Variants in ANGPT1 observed in about 807,000 individuals in gnomAD.
ANGPT1 encodes the protein angiopoietin 1, also known as angiopoietin-1.
A neutral mutation model predicts 62.2 loss-of-function variants in ANGPT1; 17 were observed. The observed-to-expected ratio is 0.27, with a 90% CI of 0.19 to 0.41. ANGPT1 has a LOEUF of 0.41. Among genes scored for constraint, ANGPT1 ranks in the 10% least tolerant of loss-of-function variants. The pLI is 1.00. For missense variants in ANGPT1, 478 were observed against 594.9 expected (o/e 0.80, Z 2.04); for synonymous variants, 199 against 198.9 (o/e 1.00, Z 0.00).
In ANGPT1 at chr8:107,267,569, T is replaced by TA. The variant is rs1185670855; in HGVS notation, c.1206-3219dup. Reference sequence around the variant, plus strand: ...CTTCTCTGGATTATCAAAGAAGACTTACAACTAGTCTCCCTGCCTTGAGTT... The same window carrying TA: ...CTTCTCTGGATTATCAAAGAAGACTTAACAACTAGTCTCCCTGCCTTGAGTT... On this transcript the variant is annotated intron_variant, in intron 7 of 8. Coordinates refer to ENST00000517746, the MANE Select transcript of ANGPT1 (RefSeq NM_001146.5). Among the ~76,000 whole-genome samples, 5 of 152,214 alleles carry TA rather than the reference T, an allele frequency of 3.3e-5. No individual in the cohort carries two copies. In the East Asian group the frequency reaches 9.7e-4, roughly 29 times the overall value.
intron 1 of ANGPT1, among the ~76,000 whole-genome samples, chr8:107,434,693 G>A (rs1448313268): frequency 6.6e-6 from 1 of 152,146 alleles, no homozygotes; most frequent in Non-Finnish European, 1.5e-5. Flanking sequence ...GCAATGATTT[G>A]TAATTAGTGG....
intron 2 of ANGPT1, among the ~76,000 whole-genome samples, chr8:107,340,346 C>T (rs1412846441): frequency 6.6e-6 from 1 of 151,886 alleles, no homozygotes; most frequent in African/African-American, 2.4e-5. Flanking sequence ...GACATAAAAC[C>T]TGAAATTGAG....
At chr8:107,274,238 A>C (rs1241554691) in intron 7 of ANGPT1, among the ~76,000 whole-genome samples, 1 of 152,174 alleles carries the variant, frequency 6.6e-6, no homozygotes, top group Non-Finnish European at 1.5e-5. Context: ...CTAGTTACCT[A>C]TATGCACATT....
At chr8:107,462,945 T>C (rs1443578001) in intron 1 of ANGPT1, among the ~76,000 whole-genome samples, 3 of 152,092 alleles carry the variant, frequency 2.0e-5, no homozygotes, top group Admixed American at 1.3e-4. Context: ...TCTGTCCCTA[T>C]AGTGAGGCAG....
intron 1 of ANGPT1, among the ~76,000 whole-genome samples, chr8:107,379,717 G>A (rs144275330): frequency 0.012 from 1,887 of 152,112 alleles, 42 homozygotes; most frequent in African/African-American, 0.042. Flanking sequence ...CAAATTATTT[G>A]TGTACATATT....
intron 1 of ANGPT1, among the ~76,000 whole-genome samples, chr8:107,450,609 A>G (rs1168823884): frequency 1.3e-5 from 2 of 151,938 alleles, no homozygotes; most frequent in Non-Finnish European, 2.9e-5. Context: ...CAAACACAGT[A>G]AAGTCTAATA....
At chr8:107,470,226 T>C (rs964402537) in intron 1 of ANGPT1, among the ~76,000 whole-genome samples, 1 of 152,068 alleles carries the variant, frequency 6.6e-6, no homozygotes, top group Non-Finnish European at 1.5e-5. Flanking sequence ...CTTTTAATGA[T>C]TGACAAAGGA....
chr8:107,319,305 A>C (rs1305310707), intron 4 of ANGPT1, among the ~76,000 whole-genome samples: 1 of 152,146 alleles, frequency 6.6e-6, no homozygotes, highest in Non-Finnish European at 1.5e-5. Flanking sequence ...CTGGCCTTGC[A>C]GTATTATATT....
At chr8:107,482,330 T>A (rs75707064) in intron 1 of ANGPT1, among the ~76,000 whole-genome samples, 3,268 of 152,254 alleles carry the variant, frequency 0.021, 43 homozygotes, top group Non-Finnish European at 0.032. Flanking sequence ...CTTTTCCGAA[T>A]CTAGAGATAG....
intron 1 of ANGPT1, among the ~76,000 whole-genome samples, chr8:107,447,811 C>A (rs187071109): frequency 6.6e-6 from 1 of 152,214 alleles, no homozygotes; most frequent in Admixed American, 6.5e-5. Context: ...CTGACACATA[C>A]ACAGACACAC....
At chr8:107,442,955 G>T (rs1049582636) in intron 1 of ANGPT1, among the ~76,000 whole-genome samples, 7 of 152,148 alleles carry the variant, frequency 4.6e-5, no homozygotes, top group East Asian at 1.9e-4. Context: ...GCAGAGACAA[G>T]AATTAAATAT....
chr8:107,303,260 T>C lies in ANGPT1; in HGVS notation c.916A>G (p.Asn306Asp). 1 of 1,609,630 alleles carries C rather than the reference T, an allele frequency of 6.2e-7. No individual in the cohort carries two copies. The part of the protein sequence containing the change: ...KSGIYTIYIN[N>D]MPEPKKVFCN... ...TTTACCTTTTTGGGTTCTGGCATATTATTAATATAAATAGTGTAGATTCCA... is the reference window on the plus strand; with the variant it reads ...TTTACCTTTTTGGGTTCTGGCATATCATTAATATAAATAGTGTAGATTCCA... The change falls in exon 5 of 9, where the codon AAT (asparagine) becomes GAT (aspartate). Residue 306 changes from asparagine to aspartate, a missense_variant. Physicochemically the swap from Asn to Asp is conservative, Grantham distance 23. Transcript: ENST00000517746.
intron 1 of ANGPT1, among the ~76,000 whole-genome samples, chr8:107,376,968 C>G (rs1332919695): frequency 6.6e-6 from 1 of 151,704 alleles, no homozygotes; most frequent in Non-Finnish European, 1.5e-5. Context: ...TTTTTTTCTT[C>G]TAATGCTTGG....
chr8:107,494,740 G>A lies in ANGPT1; in HGVS notation c.297+2522C>T, dbSNP rs528805887. The A allele has an allele frequency of 3.9e-5, 6 of 152,260 alleles. No individual in the cohort carries two copies. In the East Asian group the frequency reaches 1.2e-3, roughly 29 times the overall value. The allele number at this position is 152,260 out of a possible 1,614,324, so 9.4% of individuals were successfully genotyped here. A position where few individuals can be genotyped will look rare whatever the true frequency, so the allele number is the denominator to read the frequency against. On this transcript the variant is annotated intron_variant, in intron 1 of 8. Transcript: ENST00000517746. The stretch of plus-strand genomic sequence containing the variant: ...CAAGACCAGAAAAGTTGAGGAAGGA[G>A]GTTTCCCTTCATGGAAGGTGATGGA...
rs1020092869 is a variant in ANGPT1 at position 107,284,926 on chromosome 8, A to T, written c.1039-78T>A. 2.7e-6 allele frequency: 3 copies of T among 1,112,452 alleles called. No individual in the cohort carries two copies. The African/African-American group carries it at 4.9e-5, about 18-fold the overall frequency. The allele number at this position is 1,112,452 out of a possible 1,614,324, so 68.9% of individuals were successfully genotyped here. On this transcript the variant is annotated intron_variant, in intron 6 of 8. Transcript: ENST00000517746. ...TGTTCAGCATTTAACTATTTTCTAAATAATAATTAAAAATTATTAAAAAGT... is the reference window on the plus strand; with the variant it reads ...TGTTCAGCATTTAACTATTTTCTAATTAATAATTAAAAATTATTAAAAAGT...
chr8:107,269,997 A>G (rs1278887176), intron 7 of ANGPT1, among the ~76,000 whole-genome samples: 1 of 152,112 alleles, frequency 6.6e-6, no homozygotes. Context: ...AATTATAAAG[A>G]CTAAATCATC....
chr8:107,359,717 C>A (rs1434792170), intron 1 of ANGPT1, among the ~76,000 whole-genome samples: 2 of 152,076 alleles, frequency 1.3e-5, no homozygotes, highest in African/African-American at 4.8e-5. Flanking sequence ...ATATATTTAG[C>A]ATGTTCTCAA....
At chr8:107,255,481 G>A (rs565159895) in intron 8 of ANGPT1, among the ~76,000 whole-genome samples, 9 of 152,300 alleles carry the variant, frequency 5.9e-5, no homozygotes, top group South Asian at 4.1e-4. Context: ...CGGAGCAGAA[G>A]TTAGAAGACC....
At position 107,265,549 on chromosome 8, in the gene ANGPT1, A is replaced by G. The variant is rs74888839; in HGVS notation, c.1206-1198T>C. On this transcript the variant is annotated intron_variant, in intron 7 of 8. Transcript: ENST00000517746. ...TTGAAGCTCAAGGTGTTCTCTGGCTAAGACTCTAGCCCCTCTCTCTCTAAC... is the reference window on the plus strand; with the variant it reads ...TTGAAGCTCAAGGTGTTCTCTGGCTGAGACTCTAGCCCCTCTCTCTCTAAC... Among the ~76,000 whole-genome samples, 1,381 of 152,282 alleles carry G rather than the reference A, an allele frequency of 9.1e-3. 18 individuals are homozygous for G. The highest frequency in any genetic ancestry group is 0.032 in the African/African-American group (1,323 of 41,568).
Sources: allele counts gnomAD v4.1 joint callset (sites outside exome capture counted in the v4.1 genomes callset), GRCh38; gene constraint gnomAD v4.1.1; transcripts MANE v1.5; gene names NCBI Gene and HGNC (gene_info 2026-07-23, HGNC 2026-07-21).